The following KNDC1 variants were observed in gnomAD, a reference collection of about 807,000 sequenced individuals.
The protein encoded by KNDC1 is kinase non-catalytic C-lobe domain-containing protein 1.
Under a neutral mutation model 172.8 loss-of-function variants are expected in KNDC1, and 106 were observed. That is an observed-to-expected ratio of 0.61 (90% CI 0.52 to 0.72). The LOEUF (loss-of-function observed/expected upper bound fraction) is 0.72. Ranked by LOEUF, KNDC1 falls within the 30% of genes least tolerant of loss-of-function variation. KNDC1 has a pLI of 0.00. For missense variants in KNDC1, 2,325 were observed against 2,394.5 expected, an observed-to-expected ratio of 0.97 and a Z score of 0.61; for synonymous variants, 1,083 against 1,062.2, an observed-to-expected ratio of 1.02 and a Z score of -0.38.
Position 133,207,148 on chromosome 10 carries a change from G to C in KNDC1, c.3591G>C (p.Ala1197=). The change falls in exon 20 of 30, where the codon GCG becomes GCC. Residue 1197 remains alanine (A), a synonymous_variant. Transcript: ENST00000304613. The part of the protein sequence containing the change: ...LVKKYLQVMY[A]ERWGLEPCTL... Reference sequence around the variant, plus strand: ...TCCCGCTCCGGCAGGTCATGTACGCGGAACGCTGGGGCCTGGAGCCCTGCA... The same window carrying C: ...TCCCGCTCCGGCAGGTCATGTACGCCGAACGCTGGGGCCTGGAGCCCTGCA... 1 of 1,592,450 alleles carries C rather than the reference G, an allele frequency of 6.3e-7. No homozygotes were observed. Among genetic ancestry groups the C allele is most frequent in the Non-Finnish European group, 8.5e-7 (1 of 1,170,670 alleles).
chr10:133,187,873 ACCCCAAC>A lies in KNDC1; in HGVS notation c.1327-661_1327-655del, dbSNP rs541333614. 1.2e-3 allele frequency among the ~76,000 whole-genome samples: 175 copies of A among 146,214 alleles called. 1 individual carries two copies. The highest frequency in any genetic ancestry group is 4.2e-3 in the African/African-American group (166 of 39,366). ...AGCTGTCCCCATCAGCCCACACGAAACCCCAACCCCCGAGCCCGCCCCCTGCACCCCG... is the reference window on the plus strand; with the variant it reads ...AGCTGTCCCCATCAGCCCACACGAAACCCCGAGCCCGCCCCCTGCACCCCG... On this transcript the variant is annotated intron_variant, in intron 6 of 29. Coordinates refer to ENST00000304613, the MANE Select transcript of KNDC1 (RefSeq NM_152643.8).
intron 28 of KNDC1, 136 bp downstream of exon 28, chr10:133,219,226 C>G: frequency 4.7e-6 from 5 of 1,072,250 alleles, no homozygotes; most frequent in Non-Finnish European, 4.1e-6. Flanking sequence ...GGTGGCCTCA[C>G]GGAGGCCTTG....
intron 3 of KNDC1, among the ~76,000 whole-genome samples, chr10:133,178,455 C>G (rs1853621371): frequency 6.6e-6 from 1 of 152,186 alleles, no homozygotes. Context: ...ATAGGCTTTC[C>G]ACCCAGCCTC....
chr10:133,191,395 T>C (rs1854067582), intron 9 of KNDC1, among the ~76,000 whole-genome samples: 1 of 148,414 alleles, frequency 6.7e-6, no homozygotes, highest in African/African-American at 2.5e-5. Flanking sequence ...AGACCCTGTC[T>C]CAAAAAATAA....
intron 5 of KNDC1, among the ~76,000 whole-genome samples, 159 bp downstream of exon 5, chr10:133,184,148 CATGCACACACACTGCACACACACCT>C (rs1853812263): frequency 6.7e-6 from 1 of 148,984 alleles, no homozygotes; most frequent in Non-Finnish European, 1.5e-5. Context: ...CACACACACC[CATGCACACACACTGCACACACACCT>C]ATGCACACAC....
Position 133,202,517 on chromosome 10 carries a change from G to A in KNDC1, c.3387+619G>A, listed in dbSNP as rs765039618. The stretch of plus-strand genomic sequence containing the variant: ...CAGCCCCGACCTGGGCTGCATTCTC[G>A]AGAGCCCCGGGACTCCAGGGTGGAT... On this transcript the variant is annotated intron_variant, in intron 17 of 29. Transcript: ENST00000304613. The A allele has an allele frequency of 5.4e-5, 23 of 426,820 alleles. 1 individual carries two copies. The highest frequency in any genetic ancestry group is 2.6e-4 in the African/African-American group (13 of 49,124). 26.4% of individuals were successfully genotyped at this position (426,820 alleles called of 1,614,324 possible). A position where few individuals can be genotyped will look rare whatever the true frequency, so the allele number is the denominator to read the frequency against.
chr10:133,225,842 G>A lies in KNDC1; in HGVS notation c.*952G>A, dbSNP rs573338062. On this transcript the variant is annotated 3_prime_UTR_variant, in exon 30 of 30. Coordinates refer to ENST00000304613, the MANE Select transcript of KNDC1 (RefSeq NM_152643.8). ...CTCCACGGCCCCTTGCCCTTGCTCA[G>A]GTTCTTGGACCCCAGGCAGCTGGTG... is the stretch of plus-strand genomic sequence containing the variant. The A allele has an allele frequency of 6.6e-6, 1 of 152,658 alleles. No individual in the cohort carries two copies. The highest frequency in any genetic ancestry group is 2.1e-4 in the South Asian group (1 of 4,836). 9.5% of individuals were successfully genotyped at this position (152,658 alleles called of 1,614,324 possible).
intron 16 of KNDC1, 113 bp downstream of exon 16, chr10:133,200,573 C>T (rs1418361353): frequency 2.9e-5 from 25 of 868,862 alleles, no homozygotes; most frequent in Non-Finnish European, 4.0e-5. Context: ...ACTGCTCCAG[C>T]GGGGCTGCCT....
chr10:133,186,988 C>T (rs576370656), intron 6 of KNDC1, among the ~76,000 whole-genome samples: 3 of 152,322 alleles, frequency 2.0e-5, no homozygotes, highest in African/African-American at 7.2e-5. Flanking sequence ...TAATTTTCTT[C>T]CGGGAAGCAA....
intron 4 of KNDC1, 42 bp downstream of exon 4, chr10:133,183,532 A>G (rs1431930367): frequency 3.2e-6 from 5 of 1,561,234 alleles, no homozygotes; most frequent in Non-Finnish European, 4.3e-6. Flanking sequence ...TGTGACCCTG[A>G]CCCCACAGGC....
At chr10:133,200,892 C>T (rs1854345028) in intron 16 of KNDC1, among the ~76,000 whole-genome samples, 1 of 152,200 alleles carries the variant, frequency 6.6e-6, no homozygotes, top group Admixed American at 6.5e-5. Flanking sequence ...TCCCAGGGCA[C>T]ATGAGTGCCA....
intron 3 of KNDC1, among the ~76,000 whole-genome samples, 155 bp downstream of exon 3, chr10:133,168,467 G>C (rs1853257259): frequency 6.6e-6 from 1 of 152,100 alleles, no homozygotes; most frequent in African/African-American, 2.4e-5. Context: ...GGGCTATAGG[G>C]ACGGCCTCTG....
chr10:133,214,650 T>C (rs1224455153), intron 26 of KNDC1, among the ~76,000 whole-genome samples: 1 of 152,242 alleles, frequency 6.6e-6, no homozygotes, highest in Non-Finnish European at 1.5e-5. Context: ...CGTCCCACCC[T>C]GGGCTCCTCC....
Position 133,224,083 on chromosome 10 carries a change from CCTTT to C in KNDC1, c.5019-571_5019-568del, listed in dbSNP as rs1272372163. On this transcript the variant is annotated intron_variant, in intron 29 of 29. Transcript: ENST00000304613. The surrounding 1 kb of genome is among the most constrained non-coding windows in gnomAD (Gnocchi z 5.4). ...GCCTTTCTTTGCCGTAATGGACGCC[CCTTT>C]CTTTGTCCCTCACACTGGGCATGTG... Among the ~76,000 whole-genome samples, 5 of 152,204 alleles carry C rather than the reference CCTTT, an allele frequency of 3.3e-5. No individual in the cohort carries two copies. Among genetic ancestry groups the C allele is most frequent in the South Asian group, 2.1e-4 (1 of 4,834 alleles).
In KNDC1 at chr10:133,219,088, G is replaced by A. The variant is rs752208448; in HGVS notation, c.4858G>A (p.Glu1620Lys). The A allele has an allele frequency of 7.4e-6, 12 of 1,613,524 alleles. No individual in the cohort carries two copies. Among genetic ancestry groups the A allele is most frequent in the Admixed American group, 1.7e-5 (1 of 59,934 alleles). The change falls in exon 28 of 30, where the codon GAG (glutamate) becomes AAG (lysine). Residue 1620 changes from glutamate to lysine, a missense_variant and splice_region_variant. Transcript: ENST00000304613. ...AEVMEELKAV[E>K]VFLKSDSLCL... is the part of the protein sequence containing the mutation. ...GGTCATGGAGGAGCTGAAAGCCGTG[G>A]AGGTACCAGCACTTTACGTGGCCGG...
chr10:133,205,408 G>A lies in KNDC1; in HGVS notation c.3388-1277G>A, dbSNP rs139535251. Among the ~76,000 whole-genome samples the A allele has an allele frequency of 1.7e-3, 266 of 152,352 alleles. 2 individuals are homozygous for A. Among genetic ancestry groups the A allele is most frequent in the Middle Eastern group, 3.4e-3 (1 of 294 alleles). ...GCCTCAGTCCTGCTTCCCTCATGGCGACAGCCCTGGGGATGAGGTCCCCGG... is the reference window on the plus strand; with the variant it reads ...GCCTCAGTCCTGCTTCCCTCATGGCAACAGCCCTGGGGATGAGGTCCCCGG... On this transcript the variant is annotated intron_variant, in intron 17 of 29. Transcript: ENST00000304613.
intron 16 of KNDC1, 82 bp downstream of exon 16, chr10:133,200,542 G>A (rs993249975): frequency 6.3e-6 from 7 of 1,119,556 alleles, no homozygotes; most frequent in Non-Finnish European, 8.4e-6. Context: ...GCGCCCCAGG[G>A]TCCCAGCAGC....
At chr10:133,174,577 T>C (rs1209219634) in intron 3 of KNDC1, among the ~76,000 whole-genome samples, 2 of 152,096 alleles carry the variant, frequency 1.3e-5, no homozygotes, top group African/African-American at 4.8e-5. Flanking sequence ...TGATGATGGA[T>C]GAATGAAGGG....
chr10:133,202,650 C>G (rs1854406664), intron 17 of KNDC1: 3 of 456,572 alleles, frequency 6.6e-6, no homozygotes, highest in Admixed American at 2.3e-5. Context: ...CATCGGAGCC[C>G]TTCCTGGGGC....
Sources: allele counts gnomAD v4.1 joint callset (sites outside exome capture counted in the v4.1 genomes callset), GRCh38; gene constraint gnomAD v4.1.1; non-coding constraint Gnocchi (gnomAD v3.1); transcripts MANE v1.5; gene names NCBI Gene and HGNC (gene_info 2026-07-23, HGNC 2026-07-21).